TENM3: variants seen among roughly 807,000 people sequenced by gnomAD.
TENM3 encodes the protein teneurin transmembrane protein 3.
A neutral mutation model predicts 255.1 loss-of-function variants in TENM3; 63 were observed. The observed-to-expected ratio is 0.25, with a 90% CI of 0.20 to 0.30. The LOEUF is 0.30. TENM3 is among the 10% of genes least tolerant of loss of function. The pLI, the probability that TENM3 is intolerant of heterozygous loss-of-function variation, is 1.00. For missense variants in TENM3, 2,929 were observed against 3,461.1 expected (o/e 0.85, Z 3.86); for synonymous variants, 1,306 against 1,322.3 (o/e 0.99, Z 0.27).
chr4:182,488,119 A>G (rs1433477277), intron 3 of TENM3, among the ~76,000 whole-genome samples: 1 of 152,216 alleles, frequency 6.6e-6, no homozygotes, highest in Non-Finnish European at 1.5e-5. Flanking sequence ...TCTGCAACAC[A>G]AGTGGATAAT....
chr4:182,759,582 C>G (rs1762978363), intron 22 of TENM3, among the ~76,000 whole-genome samples: 1 of 152,146 alleles, frequency 6.6e-6, no homozygotes, highest in African/African-American at 2.4e-5. Flanking sequence ...CTTCTTATTC[C>G]AATAATTAAA....
chr4:181,851,233 C>A, the TENM3 span, among the ~76,000 whole-genome samples: 6 of 152,178 alleles, frequency 3.9e-5, no homozygotes, highest in East Asian at 1.9e-4. Flanking sequence ...TTCTTTGGGG[C>A]AAACCCACCT....
chr4:181,553,608 A>AT, the TENM3 span, among the ~76,000 whole-genome samples: 11 of 151,514 alleles, frequency 7.3e-5, no homozygotes, highest in African/African-American at 1.9e-4. Context: ...CGCCCGGCTA[A>AT]TTTTTTGTAT....
At chr4:182,198,613 G>A (rs927272787) in intron 1 of TENM3, among the ~76,000 whole-genome samples, 19 of 152,210 alleles carry the variant, frequency 1.2e-4, no homozygotes, top group African/African-American at 4.3e-4. Context: ...GGAGCAGTTG[G>A]AATGAAGCTG....
At position 182,466,248 on chromosome 4, in the gene TENM3, T is replaced by C. The variant is rs564581648; in HGVS notation, c.511+119319T>C. On this transcript the variant is annotated intron_variant, in intron 3 of 27. Coordinates refer to ENST00000511685, the MANE Select transcript of TENM3 (RefSeq NM_001080477.4). ...ACAGAATTGTAGTCTCTCACAGTTT[T>C]AGAGGCTAGACATCCAAAATCAAGG... Among the ~76,000 whole-genome samples, 9 of 152,352 alleles carry C rather than the reference T, an allele frequency of 5.9e-5. 1 individual carries two copies. The South Asian group carries it at 1.4e-3, about 25-fold the overall frequency.
chr4:182,121,400 A>C, the TENM3 span, among the ~76,000 whole-genome samples: 7 of 152,184 alleles, frequency 4.6e-5, no homozygotes, highest in Non-Finnish European at 8.8e-5. Context: ...CTATTGCAAT[A>C]ACATAGGCAA....
At chr4:182,478,496 G>T (rs1198035447) in intron 3 of TENM3, among the ~76,000 whole-genome samples, 1 of 151,614 alleles carries the variant, frequency 6.6e-6, no homozygotes, top group Non-Finnish European at 1.5e-5. Context: ...GTGCCATATG[G>T]TGTAAAATTT....
At chr4:182,450,430 TATTAA>T (rs1773359367) in intron 3 of TENM3, among the ~76,000 whole-genome samples, 1 of 152,080 alleles carries the variant, frequency 6.6e-6, no homozygotes, top group Non-Finnish European at 1.5e-5. Flanking sequence ...GACTCCCAGG[TATTAA>T]AATGCGACTG....
At chr4:181,829,170 G>A in the TENM3 span, among the ~76,000 whole-genome samples, 7 of 152,158 alleles carry the variant, frequency 4.6e-5, no homozygotes, top group Non-Finnish European at 8.8e-5. Context: ...ATTAGATCAC[G>A]AAAGAGTGAA....
chr4:181,598,375 C>G, the TENM3 span, among the ~76,000 whole-genome samples: 1,599 of 152,318 alleles, frequency 0.01, 9 homozygotes, highest in Non-Finnish European at 0.018. Context: ...CTTCCCACAA[C>G]AGTGGTTGAC....
the TENM3 span, among the ~76,000 whole-genome samples, chr4:181,605,447 A>T: frequency 1.0e-5 from 1 of 98,138 alleles, no homozygotes; most frequent in East Asian, 2.9e-4. Context: ...CCATCAAAAG[A>T]AAGAAAGAGA....
chr4:182,357,795 G>A (rs1202597565), intron 3 of TENM3, among the ~76,000 whole-genome samples: 2 of 150,338 alleles, frequency 1.3e-5, no homozygotes. Context: ...CCTTGCCCAT[G>A]CCTATGTCCT....
chr4:182,788,545 A>C (rs1170127547), intron 24 of TENM3, among the ~76,000 whole-genome samples: 1 of 151,490 alleles, frequency 6.6e-6, no homozygotes, highest in East Asian at 1.9e-4. Context: ...ACGCCTTCTC[A>C]AAAAACTGTG....
intron 3 of TENM3, among the ~76,000 whole-genome samples, chr4:182,406,829 C>T (rs1490305162): frequency 3.3e-5 from 5 of 152,178 alleles, no homozygotes; most frequent in African/African-American, 1.2e-4. Flanking sequence ...TTTCCACGAA[C>T]AAAAATAGGC....
At chr4:181,596,513 A>G in the TENM3 span, among the ~76,000 whole-genome samples, 1 of 152,210 alleles carries the variant, frequency 6.6e-6, no homozygotes, top group African/African-American at 2.4e-5. Flanking sequence ...TTCAGCCAAC[A>G]TGTAAGCTAA....
chr4:181,894,733 G>GAA, the TENM3 span, among the ~76,000 whole-genome samples: 6 of 137,184 alleles, frequency 4.4e-5, no homozygotes, highest in East Asian at 2.1e-4. Flanking sequence ...GTCAGTGGCA[G>GAA]AAAAAAAAAA....
intron 1 of TENM3, among the ~76,000 whole-genome samples, chr4:182,177,958 G>GTTTTTTTTTTTTTTTTTTTT (rs56256529): frequency 8.5e-6 from 1 of 117,132 alleles, no homozygotes; most frequent in Non-Finnish European, 1.8e-5. Flanking sequence ...TTTGGTTTTT[G>GTTTTTTTTTTTTTTTTTTTT]TTTTTTTTTT....
intron 1 of TENM3, among the ~76,000 whole-genome samples, chr4:182,198,968 GCCC>G (rs1350723804): frequency 6.0e-4 from 92 of 152,194 alleles, no homozygotes; most frequent in Admixed American, 2.1e-3. Flanking sequence ...GAAGAAGTAG[GCCC>G]TTGCCTACTT....
chr4:182,148,100 A>G (rs942701358), intron 1 of TENM3, among the ~76,000 whole-genome samples: 3 of 152,144 alleles, frequency 2.0e-5, no homozygotes, highest in African/African-American at 4.8e-5. Context: ...ATACTTTTTT[A>G]TACCAAGCAT....
Sources: gnomAD v4.1 joint callset for allele counts (sites outside exome capture counted in the v4.1 genomes callset) on GRCh38, gnomAD v4.1.1 for gene constraint, MANE v1.5 for transcripts, NCBI Gene and HGNC (gene_info 2026-07-23, HGNC 2026-07-21) for gene names.